The following RALYL variants were observed in gnomAD, a reference collection of about 807,000 sequenced individuals.
The protein encoded by RALYL is RALY RNA binding protein like, also known as RNA-binding Raly-like protein.
In RALYL, 29 loss-of-function variants were observed where a neutral mutation model predicts 35.1. The observed-to-expected ratio is 0.83, with a 90% confidence interval of 0.61 to 1.13. The LOEUF is 1.13. RALYL is among the 50% of genes most tolerant of loss of function. RALYL has a pLI of 0.00. For missense variants in RALYL, 359 were observed against 360.4 expected (o/e 1.00, Z 0.03); for synonymous variants, 120 against 127.6 (o/e 0.94, Z 0.40).
At chr8:84,610,050 G>A (rs1297730590) in intron 2 of RALYL, among the ~76,000 whole-genome samples, 1 of 152,120 alleles carries the variant, frequency 6.6e-6, no homozygotes, top group Admixed American at 6.6e-5. Flanking sequence ...TCCCTCTCAT[G>A]TCAGTCACAT....
chr8:84,402,778 G>C (rs981000589), intron 1 of RALYL, among the ~76,000 whole-genome samples: 5 of 151,938 alleles, frequency 3.3e-5, no homozygotes, highest in Admixed American at 1.3e-4. Context: ...AGTTGTTGTA[G>C]TTTGTAAAAA....
intron 4 of RALYL, among the ~76,000 whole-genome samples, chr8:84,841,929 A>G (rs1013319040): frequency 6.6e-6 from 1 of 152,246 alleles, no homozygotes; most frequent in Non-Finnish European, 1.5e-5. Flanking sequence ...ATGAGAACAA[A>G]GTCACAACAT....
chr8:84,882,839 C>G (rs182378515), intron 7 of RALYL, among the ~76,000 whole-genome samples: 1 of 151,744 alleles, frequency 6.6e-6, no homozygotes, highest in African/African-American at 2.4e-5. Context: ...ACGAACTAAA[C>G]GTTACTCATC....
At chr8:84,548,631 A>C (rs1354057997) in intron 2 of RALYL, among the ~76,000 whole-genome samples, 1 of 152,206 alleles carries the variant, frequency 6.6e-6, no homozygotes. Flanking sequence ...TGTTTTCAGA[A>C]GGGATAAAGT....
In RALYL at chr8:84,278,813, C is replaced by A. The variant is rs1159530727; in HGVS notation, c.-24+94389C>A. Among the ~76,000 whole-genome samples the A allele has an allele frequency of 2.0e-5, 3 of 152,198 alleles. No homozygotes were observed. In the South Asian group the frequency reaches 6.2e-4, roughly 32 times the overall value. On this transcript the variant is annotated intron_variant, in intron 1 of 8. Transcript: ENST00000521268. Reference sequence around the variant, plus strand: ...TCACTATCAGCATTTTGGTCAAAGCCATTCAACAAGTCTCTAGGAAGTTAC... The same window carrying A: ...TCACTATCAGCATTTTGGTCAAAGCAATTCAACAAGTCTCTAGGAAGTTAC...
intron 2 of RALYL, among the ~76,000 whole-genome samples, chr8:84,551,329 T>G (rs928782644): frequency 6.6e-6 from 1 of 152,136 alleles, no homozygotes; most frequent in African/African-American, 2.4e-5. Flanking sequence ...ACCAACATAA[T>G]TGTTTCTGGT....
chr8:84,774,778 C>A, intron 3 of RALYL, 124 bp downstream of exon 3: 1 of 669,146 alleles, frequency 1.5e-6, no homozygotes. Flanking sequence ...TAAAGTACAA[C>A]AAATGTTGTT....
chr8:84,433,384 G>C (rs2047348644), intron 1 of RALYL, among the ~76,000 whole-genome samples: 1 of 152,046 alleles, frequency 6.6e-6, no homozygotes, highest in Non-Finnish European at 1.5e-5. Flanking sequence ...TAAATTCTTA[G>C]AGGGAGAGAA....
intron 1 of RALYL, among the ~76,000 whole-genome samples, chr8:84,455,322 G>A (rs1336716136): frequency 1.3e-5 from 2 of 151,900 alleles, no homozygotes; most frequent in Non-Finnish European, 2.9e-5. Flanking sequence ...ATTCACTGTG[G>A]AATACAAAAC....
At chr8:84,397,044 TG>T (rs1220179892) in intron 1 of RALYL, among the ~76,000 whole-genome samples, 1 of 152,108 alleles carries the variant, frequency 6.6e-6, no homozygotes, top group African/African-American at 2.4e-5. Context: ...ATTACCCAGT[TG>T]GGCCCAATGT....
chr8:84,749,098 TA>T (rs532869373), intron 2 of RALYL, among the ~76,000 whole-genome samples: 113 of 152,138 alleles, frequency 7.4e-4, no homozygotes, highest in Middle Eastern at 3.4e-3. Context: ...CTAAAGTGTT[TA>T]AAAAAAACTT....
chr8:84,569,980 C>G (rs374871644), intron 2 of RALYL, among the ~76,000 whole-genome samples: 1 of 151,670 alleles, frequency 6.6e-6, no homozygotes, highest in African/African-American at 2.4e-5. Context: ...TGCTTTTATA[C>G]CTACTGTAGC....
chr8:84,486,779 T>C (rs1027586927), intron 1 of RALYL, among the ~76,000 whole-genome samples: 1 of 152,118 alleles, frequency 6.6e-6, no homozygotes, highest in African/African-American at 2.4e-5. Flanking sequence ...AATTTATGTT[T>C]ATATAGAATT....
At chr8:84,411,256 AAAT>A (rs2044070943) in intron 1 of RALYL, among the ~76,000 whole-genome samples, 1 of 151,926 alleles carries the variant, frequency 6.6e-6, no homozygotes, top group African/African-American at 2.4e-5. Flanking sequence ...TCACTGGACA[AAAT>A]AATAACATCT....
intron 1 of RALYL, among the ~76,000 whole-genome samples, chr8:84,507,980 C>T (rs2134351028): frequency 1.3e-5 from 2 of 152,154 alleles, no homozygotes; most frequent in East Asian, 1.9e-4. Flanking sequence ...ATCTAAGCGT[C>T]TATGTCAAAG....
chr8:84,553,141 C>T (rs1338899269), intron 2 of RALYL, among the ~76,000 whole-genome samples: 4 of 151,980 alleles, frequency 2.6e-5, no homozygotes, highest in Non-Finnish European at 5.9e-5. Flanking sequence ...TAGGGAAAGA[C>T]TCCACTTCTT....
intron 1 of RALYL, chr8:84,184,886 C>T: frequency 2.3e-6 from 3 of 1,291,304 alleles, no homozygotes; most frequent in South Asian, 2.4e-5. Context: ...GCAGAGACCG[C>T]ATATTCCGGA....
At chr8:84,581,378 C>G (rs986319784) in intron 2 of RALYL, among the ~76,000 whole-genome samples, 1 of 152,168 alleles carries the variant, frequency 6.6e-6, no homozygotes, top group African/African-American at 2.4e-5. Flanking sequence ...CTGACTATAT[C>G]TATTGTAACC....
intron 2 of RALYL, among the ~76,000 whole-genome samples, chr8:84,570,781 G>C (rs1168806808): frequency 6.6e-6 from 1 of 151,702 alleles, no homozygotes; most frequent in Non-Finnish European, 1.5e-5. Flanking sequence ...TTTTTTGTGG[G>C]TTTTGTATCA....
Sources: allele counts gnomAD v4.1 joint callset (sites outside exome capture counted in the v4.1 genomes callset), GRCh38; gene constraint gnomAD v4.1.1; transcripts MANE v1.5; gene names NCBI Gene and HGNC (gene_info 2026-07-23, HGNC 2026-07-21).